ADAMTSL1: variants seen among roughly 807,000 people sequenced by gnomAD.
ADAMTSL1 encodes ADAMTS like 1.
Under a neutral mutation model 201.8 loss-of-function variants are expected in ADAMTSL1, and 126 were observed. That is an observed-to-expected ratio of 0.62 (90% CI 0.54 to 0.72). The LOEUF is 0.72. ADAMTSL1 is among the 30% of genes least tolerant of loss of function. The pLI is 0.00. For missense variants in ADAMTSL1, 2,679 were observed against 2,277.8 expected (o/e 1.18, Z -3.59); for synonymous variants, 1,121 against 903.4 (o/e 1.24, Z -4.32).
chr9:18,687,772 A>G (rs1830924373), intron 13 of ADAMTSL1, among the ~76,000 whole-genome samples: 1 of 152,254 alleles, frequency 6.6e-6, no homozygotes, highest in Non-Finnish European at 1.5e-5. Context: ...TAAGATGTTT[A>G]GAAGAAAACA....
intron 3 of ADAMTSL1, among the ~76,000 whole-genome samples, chr9:18,566,721 G>A (rs1372396791): frequency 2.6e-5 from 4 of 152,142 alleles, no homozygotes; most frequent in Non-Finnish European, 5.9e-5. Flanking sequence ...GGTGACTGGA[G>A]CTAAGTGAGC....
At chr9:17,970,564 C>T (rs774462230) in intron 1 of ADAMTSL1, among the ~76,000 whole-genome samples, 6 of 152,022 alleles carry the variant, frequency 3.9e-5, no homozygotes, top group Non-Finnish European at 7.4e-5. Context: ...GGTGTTAAGG[C>T]TGCCACAGTG....
chr9:17,919,606 C>T (rs1194840094), intron 1 of ADAMTSL1, among the ~76,000 whole-genome samples: 4 of 152,018 alleles, frequency 2.6e-5, no homozygotes, highest in Admixed American at 2.6e-4. Flanking sequence ...TTTCACTTAA[C>T]ATAATGTGTT....
intron 2 of ADAMTSL1, among the ~76,000 whole-genome samples, chr9:18,466,761 A>AT (rs1370389926): frequency 6.6e-6 from 1 of 152,000 alleles, no homozygotes; most frequent in Non-Finnish European, 1.5e-5. Context: ...ATATGAGATA[A>AT]TTTTTTTAAC....
intron 3 of ADAMTSL1, among the ~76,000 whole-genome samples, chr9:18,567,366 T>C (rs1292317585): frequency 6.6e-6 from 1 of 152,072 alleles, no homozygotes; most frequent in East Asian, 1.9e-4. Flanking sequence ...TTTAGGAGGC[T>C]GAGGCAGGAG....
At chr9:18,625,537 G>A (rs1826309553) in intron 5 of ADAMTSL1, among the ~76,000 whole-genome samples, 1 of 152,054 alleles carries the variant, frequency 6.6e-6, no homozygotes, top group South Asian at 2.1e-4. Flanking sequence ...CTACCCACTG[G>A]TAGCACTCAG....
chr9:18,555,503 T>C (rs1292871217), intron 3 of ADAMTSL1, among the ~76,000 whole-genome samples: 1 of 152,046 alleles, frequency 6.6e-6, no homozygotes, highest in African/African-American at 2.4e-5. Context: ...CATTCCTTGA[T>C]GAATGTTATT....
chr9:18,456,070 T>G (rs1161684305), intron 2 of ADAMTSL1, among the ~76,000 whole-genome samples: 1 of 152,198 alleles, frequency 6.6e-6, no homozygotes, highest in East Asian at 1.9e-4. Flanking sequence ...AAGCCATACC[T>G]TGGCTATGTC....
At chr9:18,112,396 A>G (rs1169619200) in intron 1 of ADAMTSL1, among the ~76,000 whole-genome samples, 2 of 151,938 alleles carry the variant, frequency 1.3e-5, no homozygotes, top group Admixed American at 1.3e-4. Context: ...ACATTGAGGT[A>G]TGTTCCATAC....
chr9:18,024,986 T>C (rs2131591405), intron 1 of ADAMTSL1, among the ~76,000 whole-genome samples: 1 of 152,282 alleles, frequency 6.6e-6, no homozygotes, highest in East Asian at 1.9e-4. Context: ...GATATCTCTT[T>C]GTGGTTTTGA....
At chr9:18,084,842 A>G (rs185116514) in intron 1 of ADAMTSL1, among the ~76,000 whole-genome samples, 8 of 152,310 alleles carry the variant, frequency 5.3e-5, no homozygotes, top group East Asian at 1.9e-4. Flanking sequence ...TAAAGCAGAA[A>G]TATGTGCAAG....
At chr9:18,225,899 C>A (rs567729828) in intron 2 of ADAMTSL1, among the ~76,000 whole-genome samples, 1 of 152,034 alleles carries the variant, frequency 6.6e-6, no homozygotes, top group African/African-American at 2.4e-5. Flanking sequence ...GAATTCAAGG[C>A]CTGTATTTCA....
At chr9:18,383,343 C>T (rs1399633138) in intron 2 of ADAMTSL1, among the ~76,000 whole-genome samples, 2 of 151,954 alleles carry the variant, frequency 1.3e-5, no homozygotes, top group Non-Finnish European at 2.9e-5. Context: ...GGGTTAAAGA[C>T]TTTTTTCCTT....
At chr9:17,992,521 G>C (rs574057142) in intron 1 of ADAMTSL1, among the ~76,000 whole-genome samples, 45 of 152,224 alleles carry the variant, frequency 3.0e-4, no homozygotes, top group African/African-American at 1.1e-3. Flanking sequence ...TGGATGCAGT[G>C]ATCCCAGCTA....
At chr9:18,828,610 C>CATG (rs1824745585) in intron 22 of ADAMTSL1, among the ~76,000 whole-genome samples, 1 of 134,572 alleles carries the variant, frequency 7.4e-6, no homozygotes, top group African/African-American at 2.8e-5. Flanking sequence ...TGAACCCAGG[C>CATG]ATGATGTTTT....
In ADAMTSL1 at chr9:18,680,355, G is replaced by A. The variant is rs779193184; in HGVS notation, c.1180G>A (p.Gly394Arg). The A allele has an allele frequency of 3.1e-6, 5 of 1,614,060 alleles. No homozygotes were observed. The East Asian group carries it at 8.9e-5, about 29-fold the overall frequency. The change falls in exon 11 of 29, where the codon GGG becomes AGG. Residue 394 changes from glycine to arginine, a missense_variant. Coordinates refer to ENST00000380548, the MANE Select transcript of ADAMTSL1 (RefSeq NM_001040272.6). ...GACCGCGTGCTCCTCCTCGTGTGGG[G>A]GGGGCATCCAGAGCCGGGCAGTTTC... ...PWTACSSSCGGGIQSRAVSCV... is the reference protein window; with the variant it reads ...PWTACSSSCGRGIQSRAVSCV...
chr9:18,539,278 A>G (rs1819984205), intron 3 of ADAMTSL1, among the ~76,000 whole-genome samples: 2 of 152,224 alleles, frequency 1.3e-5, no homozygotes, highest in Admixed American at 1.3e-4. Context: ...AGAGATAGGC[A>G]GCCTGCCCTT....
upstream of ADAMTSL1, chr9:18,473,978 C>A: frequency 4.4e-6 from 2 of 455,038 alleles, no homozygotes; most frequent in Non-Finnish European, 7.8e-6. Context: ...CTTTCTCTGT[C>A]CTCCTGGCTT....
intron 2 of ADAMTSL1, among the ~76,000 whole-genome samples, chr9:18,404,745 G>A (rs1339373228): frequency 6.6e-6 from 1 of 152,184 alleles, no homozygotes; most frequent in Non-Finnish European, 1.5e-5. Context: ...GTTTTCACTG[G>A]ATTTCTAGGT....
Sources: gnomAD v4.1 joint callset for allele counts (sites outside exome capture counted in the v4.1 genomes callset) on GRCh38, gnomAD v4.1.1 for gene constraint, MANE v1.5 for transcripts, NCBI Gene and HGNC (gene_info 2026-07-23, HGNC 2026-07-21) for gene names.